PDE1C: variants seen among roughly 807,000 people sequenced by gnomAD.
PDE1C encodes the protein dual specificity calcium/calmodulin-dependent 3',5'-cyclic nucleotide phosphodiesterase 1C.
In PDE1C, 62 loss-of-function variants were observed where a neutral mutation model predicts 93.1. The observed-to-expected ratio is 0.67, with a 90% CI of 0.54 to 0.82. PDE1C has a LOEUF of 0.82. PDE1C is among the 40% of genes least tolerant of loss of function. The pLI, the probability that PDE1C is intolerant of heterozygous loss-of-function variation, is 0.00. For synonymous variants in PDE1C, 325 were observed against 310.1 expected (o/e 1.05, Z -0.50); for missense variants, 742 against 884.6 (o/e 0.84, Z 2.04).
chr7:32,213,504 G>A (rs10264767), intron 1 of PDE1C, among the ~76,000 whole-genome samples: 8,742 of 152,154 alleles, frequency 0.057, 866 homozygotes, highest in African/African-American at 0.2. Flanking sequence ...AAGTGCTGTC[G>A]CCCGGCTCGT....
the PDE1C span, among the ~76,000 whole-genome samples, chr7:31,657,324 CA>C: frequency 1.3e-5 from 2 of 152,202 alleles, no homozygotes; most frequent in Non-Finnish European, 1.5e-5. Context: ...TGGTGCCTAA[CA>C]CTAGGCCCAA....
Position 32,389,202 on chromosome 7 carries a change from T to G in PDE1C, c.310+38620A>C, listed in dbSNP as rs564386816. ...TGTGTGTGTGTGTGGTTTTTTTGGTTTTTGTTTGTTTGTTTGTTTGTTTGT... is the reference window on the plus strand; with the variant it reads ...TGTGTGTGTGTGTGGTTTTTTTGGTGTTTGTTTGTTTGTTTGTTTGTTTGT... On this transcript the variant is annotated intron_variant, in intron 1 of 1. Coordinates refer to the PDE1C transcript ENST00000672256. Among the ~76,000 whole-genome samples, 472 of 136,252 alleles carry G rather than the reference T, an allele frequency of 3.5e-3. 3 individuals are homozygous for G. Among genetic ancestry groups the G allele is most frequent in the Middle Eastern group, 0.015 (4 of 270 alleles). The allele number at this position is 136,252 out of a possible 152,430, so 89.4% of individuals were successfully genotyped here.
intron 1 of PDE1C, among the ~76,000 whole-genome samples, chr7:32,069,438 A>G (rs1795767562): frequency 6.6e-6 from 1 of 152,194 alleles, no homozygotes; most frequent in Non-Finnish European, 1.5e-5. Context: ...TGATGAAAGT[A>G]GTATCTAGTA....
chr7:32,181,618 C>A (rs1363359914), intron 2 of PDE1C, among the ~76,000 whole-genome samples: 1 of 151,828 alleles, frequency 6.6e-6, no homozygotes, highest in Non-Finnish European at 1.5e-5. Context: ...AAAGACACAA[C>A]ATACCAGAAT....
chr7:32,235,051 C>T (rs186911931), intron 1 of PDE1C, among the ~76,000 whole-genome samples: 50 of 152,130 alleles, frequency 3.3e-4, no homozygotes, highest in African/African-American at 1.0e-3. Flanking sequence ...CAAAATTAAA[C>T]ATCTGTTCAT....
intron 7 of PDE1C, among the ~76,000 whole-genome samples, chr7:31,856,438 A>G (rs1248767775): frequency 1.3e-5 from 2 of 152,226 alleles, no homozygotes; most frequent in Admixed American, 1.3e-4. Flanking sequence ...GCAGTAAATC[A>G]TGATCACTGC....
At chr7:32,001,793 G>C (rs1051108117) in intron 2 of PDE1C, among the ~76,000 whole-genome samples, 32 of 152,098 alleles carry the variant, frequency 2.1e-4, no homozygotes, top group African/African-American at 7.7e-4. Flanking sequence ...GGTCTGGCTG[G>C]GCACACCTGT....
intron 2 of PDE1C, among the ~76,000 whole-genome samples, chr7:32,175,753 G>A (rs903261866): frequency 6.6e-6 from 1 of 152,180 alleles, no homozygotes; most frequent in Non-Finnish European, 1.5e-5. Context: ...AAACTTTCAT[G>A]AGCGTCCTAT....
chr7:32,042,558 A>G, intron 2 of PDE1C, among the ~76,000 whole-genome samples: 1 of 152,232 alleles, frequency 6.6e-6, no homozygotes, highest in Non-Finnish European at 1.5e-5. Flanking sequence ...GATTTCAATC[A>G]GTAGGGGGCC....
chr7:32,044,572 G>A (rs923199963), intron 2 of PDE1C, among the ~76,000 whole-genome samples: 6 of 152,042 alleles, frequency 3.9e-5, no homozygotes, highest in African/African-American at 1.4e-4. Context: ...AGAAACCAGA[G>A]TAATGAAAGA....
intron 16 of PDE1C, among the ~76,000 whole-genome samples, chr7:31,796,604 T>C (rs1785339566): frequency 6.6e-6 from 1 of 151,810 alleles, no homozygotes; most frequent in Admixed American, 6.6e-5. Flanking sequence ...ACAGGTTTTG[T>C]ACGTCCATGC....
intron 3 of PDE1C, among the ~76,000 whole-genome samples, chr7:32,140,995 G>A (rs1800491151): frequency 6.6e-6 from 1 of 152,236 alleles, no homozygotes; most frequent in African/African-American, 2.4e-5. Flanking sequence ...TCATTTGGTT[G>A]CCAGGGAAAT....
chr7:31,849,074 T>G (rs987877149), intron 8 of PDE1C, among the ~76,000 whole-genome samples: 1 of 152,196 alleles, frequency 6.6e-6, no homozygotes, highest in Non-Finnish European at 1.5e-5. Context: ...CTGAACACAT[T>G]GGAATTTTCC....
intron 1 of PDE1C, among the ~76,000 whole-genome samples, chr7:32,419,847 T>C (rs570170690): frequency 7.3e-5 from 11 of 151,494 alleles, no homozygotes; most frequent in Middle Eastern, 3.4e-3. Context: ...CAGGATCTGG[T>C]TCCTAATCCT....
At chr7:31,843,341 C>A (rs1413810566) in intron 9 of PDE1C, among the ~76,000 whole-genome samples, 1 of 151,832 alleles carries the variant, frequency 6.6e-6, no homozygotes, top group East Asian at 1.9e-4. Flanking sequence ...TCTCCTTTTT[C>A]TCCTATCAAT....
downstream of PDE1C, among the ~76,000 whole-genome samples, chr7:31,750,694 T>C (rs977788001): frequency 2.6e-5 from 4 of 152,254 alleles, no homozygotes; most frequent in Non-Finnish European, 5.9e-5. Flanking sequence ...TAAGTTTTTC[T>C]AAACTCCAAA....
chr7:31,845,015 T>C (rs1792380278), intron 9 of PDE1C, among the ~76,000 whole-genome samples: 1 of 152,154 alleles, frequency 6.6e-6, no homozygotes, highest in Non-Finnish European at 1.5e-5. Context: ...TATGTTTTCA[T>C]TTTACTCATA....
At chr7:31,926,389 T>C (rs772467932) in intron 2 of PDE1C, among the ~76,000 whole-genome samples, 28 of 152,240 alleles carry the variant, frequency 1.8e-4, no homozygotes, top group Non-Finnish European at 3.4e-4. Context: ...ACTCAATAAA[T>C]GTTTGTGGAA....
chr7:31,695,677 GC>G, the PDE1C span: 18 of 1,534,104 alleles, frequency 1.2e-5, no homozygotes, highest in Non-Finnish European at 1.5e-5. Context: ...CCACTAGGTT[GC>G]ATTGTTCGTA....
Sources: allele counts gnomAD v4.1 joint callset (sites outside exome capture counted in the v4.1 genomes callset), GRCh38; gene constraint gnomAD v4.1.1; transcripts MANE v1.5; gene names NCBI Gene and HGNC (gene_info 2026-07-23, HGNC 2026-07-21).